The following NME6 variants were observed in gnomAD, a reference collection of about 807,000 sequenced individuals.
The protein encoded by NME6 is NME/NM23 nucleoside diphosphate kinase 6.
A neutral mutation model predicts 22.2 loss-of-function variants in NME6; 16 were observed. The ratio of observed to expected loss-of-function variants is 0.72; its 90% CI spans 0.49 to 1.09. NME6 has a LOEUF of 1.09. NME6 is among the 50% of genes least tolerant of loss of function. NME6 has a pLI of 0.00. For missense variants in NME6, 229 were observed against 239.0 expected (o/e 0.96, Z 0.28); for synonymous variants, 58 against 85.2 (o/e 0.68, Z 1.76).
At chr3:48,301,316 G>A (rs770453041) in intron 1 of NME6, 37 bp downstream of exon 1, 1 of 1,591,950 alleles carries the variant, frequency 6.3e-7, no homozygotes, top group Non-Finnish European at 8.6e-7. Context: ...GGGTCATTCG[G>A]AGCCCCAGTG....
At chr3:48,298,029 G>A (rs2035294558) in intron 2 of NME6, 1 of 265,600 alleles carries the variant, frequency 3.8e-6, no homozygotes, top group African/African-American at 2.4e-5. Flanking sequence ...ATAAGGACCT[G>A]GTCAGCCAAT....
chr3:48,298,176 T>C (rs1276025412), intron 2 of NME6: 9 of 521,900 alleles, frequency 1.7e-5, no homozygotes, highest in Non-Finnish European at 2.8e-5. Context: ...TATGTAGCAA[T>C]AGAAACTAAC....
chr3:48,300,329 C>G (rs1560007105), intron 1 of NME6: 1 of 456,666 alleles, frequency 2.2e-6, no homozygotes, highest in Non-Finnish European at 4.4e-6. Flanking sequence ...TAGCTCCAAC[C>G]TCATGGGCCT....
intron 2 of NME6, 190 bp downstream of exon 2, chr3:48,298,237 T>C (rs2035314867): frequency 3.2e-6 from 2 of 620,056 alleles, no homozygotes; most frequent in Non-Finnish European, 5.7e-6. Context: ...GGGTCCTTTC[T>C]TACATTTTAG....
At chr3:48,298,253 C>T in intron 2 of NME6, 174 bp downstream of exon 2, 1 of 645,656 alleles carries the variant, frequency 1.5e-6, no homozygotes, top group Non-Finnish European at 2.8e-6. Context: ...TTTAGGTCTG[C>T]CTCAAGTCTC....
rs1347167812 is a variant in NME6 at position 48,293,331 on chromosome 3, C to A, written c.*1306G>T. ...AGTGGGTCCAAATTTCCTGGTCTACCATTAGTGAAAGTGGCAGATGGTGAA... is the reference window on the plus strand; with the variant it reads ...AGTGGGTCCAAATTTCCTGGTCTACAATTAGTGAAAGTGGCAGATGGTGAA... On this transcript the variant is annotated 3_prime_UTR_variant, in exon 6 of 6. Coordinates refer to ENST00000442597, the MANE Select transcript of NME6 (RefSeq NM_001308426.2). The A allele has an allele frequency of 6.6e-6, 1 of 152,174 alleles. No homozygotes were observed. Among genetic ancestry groups the A allele is most frequent in the Admixed American group, 6.5e-5 (1 of 15,282 alleles). The allele number at this position is 152,174 out of a possible 1,614,324, so 9.4% of individuals were successfully genotyped here.
At chr3:48,289,086 C>CG (rs1266353457), downstream of NME6, among the ~76,000 whole-genome samples, 5 of 148,536 alleles carry the variant, frequency 3.4e-5, no homozygotes, top group Non-Finnish European at 6.0e-5. Flanking sequence ...TTTTTTGAGA[C>CG]GGAGTTTCGC....
rs973163579 is a variant in NME6, at chr3:48,293,344, G to A, written c.*1293C>T. 3.3e-5 allele frequency: 5 copies of A among 152,170 alleles called. No individual in the cohort carries two copies. The highest frequency in any genetic ancestry group is 1.2e-4 in the African/African-American group (5 of 41,438). 9.4% of individuals were successfully genotyped at this position (152,170 alleles called of 1,614,324 possible). On this transcript the variant is annotated 3_prime_UTR_variant, in exon 6 of 6. Transcript: ENST00000442597. Reference sequence around the variant, plus strand: ...TTCCTGGTCTACCATTAGTGAAAGTGGCAGATGGTGAAGGCAATTTTCAAC... The same window carrying A: ...TTCCTGGTCTACCATTAGTGAAAGTAGCAGATGGTGAAGGCAATTTTCAAC...
At position 48,298,527 on chromosome 3, in the gene NME6, C is replaced by T. The variant is rs2035357685; in HGVS notation, c.-7-4G>A. On this transcript the variant is annotated splice_polypyrimidine_tract_variant and splice_region_variant and intron_variant, in intron 1 of 5. Transcript: ENST00000442597. The stretch of plus-strand genomic sequence containing the variant: ...CAAGATTGAGGCCATCTCACTCCTG[C>T]CATTAGAGAGCTGTATTAGGAACCC... 6.3e-7 allele frequency: 1 copy of T among 1,593,196 alleles called. No individual in the cohort carries two copies. Among genetic ancestry groups the T allele is most frequent in the African/African-American group, 1.3e-5 (1 of 74,258 alleles).
chr3:48,296,318 A>G (rs2035098326), intron 3 of NME6, 160 bp from the exon 4 acceptor site: 10 of 953,096 alleles, frequency 1.0e-5, no homozygotes, highest in Non-Finnish European at 1.6e-5. Context: ...AGGGTCTGCC[A>G]CTTACAACCT....
chr3:48,289,168 A>G (rs1169596662), downstream of NME6, among the ~76,000 whole-genome samples: 1 of 151,808 alleles, frequency 6.6e-6, no homozygotes, highest in Non-Finnish European at 1.5e-5. Flanking sequence ...GGGTTCAAGC[A>G]ATTCTTCTGC....
In NME6 at chr3:48,292,554, A is replaced by G. The variant is rs1559993825; in HGVS notation, c.*2083T>C. On this transcript the variant is annotated 3_prime_UTR_variant, in exon 6 of 6. Coordinates refer to ENST00000442597, the MANE Select transcript of NME6 (RefSeq NM_001308426.2). ...GATTTTGTTCCAGACTATTTCAAGG[A>G]TTTTTTTTTTCTTGAGATGGAGTTT... 6.7e-6 allele frequency: 1 copy of G among 149,782 alleles called. No homozygotes were observed. The highest frequency in any genetic ancestry group is 1.5e-5 in the Non-Finnish European group (1 of 67,264). 9.3% of individuals were successfully genotyped at this position (149,782 alleles called of 1,614,324 possible). A position where few individuals can be genotyped will look rare whatever the true frequency, so the allele number is the denominator to read the frequency against.
Position 48,294,545 on chromosome 3 carries a change from T to C in NME6, c.*92A>G, listed in dbSNP as rs1274846884. 3 of 1,414,576 alleles carry C rather than the reference T, an allele frequency of 2.1e-6. No individual in the cohort carries two copies. The highest frequency in any genetic ancestry group is 2.9e-6 in the Non-Finnish European group (3 of 1,027,108). 87.6% of individuals were successfully genotyped at this position (1,414,576 alleles called of 1,614,324 possible). A position where few individuals can be genotyped will look rare whatever the true frequency, so the allele number is the denominator to read the frequency against. ...TGGTGGTGCCCAGCAGAAATGGCAC[T>C]GTAAGCCAGGCTTCCCTGGTCCTAG... On this transcript the variant is annotated 3_prime_UTR_variant, in exon 6 of 6. Coordinates refer to ENST00000442597, the MANE Select transcript of NME6 (RefSeq NM_001308426.2).
In NME6 at chr3:48,294,651, G is replaced by A; in HGVS notation, c.547C>T (p.Leu183=). Residue 183 remains leucine (L), a synonymous_variant, in exon 6 of 6, where the codon CTA becomes TTA. Transcript: ENST00000442597. ...ATAGACCTGCATCAGGCTGGTCCTA[G>A]GCCTCCTGTTCCAGCTACATAGTGG... ...GVHYVAGTGG[L]GPA 1 of 1,614,120 alleles carries A rather than the reference G, an allele frequency of 6.2e-7. No individual in the cohort carries two copies.
intron 4 of NME6, 118 bp downstream of exon 4, chr3:48,296,001 G>C (rs2035051655): frequency 1.3e-6 from 1 of 791,448 alleles, no homozygotes; most frequent in Admixed American, 1.9e-5. Context: ...ACAGGCATGA[G>C]CCACCGTGCC....
At chr3:48,300,154 T>G (rs757088055) in intron 1 of NME6, 11 of 438,364 alleles carry the variant, frequency 2.5e-5, no homozygotes, top group Non-Finnish European at 4.6e-5. Flanking sequence ...GAACCACACA[T>G]GAAAATCTAA....
At chr3:48,288,150 A>G (rs1321297038), downstream of NME6, among the ~76,000 whole-genome samples, 2 of 151,904 alleles carry the variant, frequency 1.3e-5, no homozygotes, top group Non-Finnish European at 2.9e-5. Flanking sequence ...AGAGGCCGAG[A>G]TGGGTGAATC....
At position 48,293,852 on chromosome 3, in the gene NME6, CAGA is replaced by C. The variant is rs1460379709; in HGVS notation, c.*782_*784del. 6.6e-6 allele frequency: 1 copy of C among 152,140 alleles called. No homozygotes were observed. Among genetic ancestry groups the C allele is most frequent in the African/African-American group, 2.4e-5 (1 of 41,426 alleles). 9.4% of individuals were successfully genotyped at this position (152,140 alleles called of 1,614,324 possible). A position where few individuals can be genotyped will look rare whatever the true frequency, so the allele number is the denominator to read the frequency against. ...GATAAAGGAGATGAAGAAAAACACA[CAGA>C]AGGAGAAAACCAAGGGTGTGGGATC... is the stretch of plus-strand genomic sequence containing the variant. On this transcript the variant is annotated 3_prime_UTR_variant, in exon 6 of 6. Transcript: ENST00000442597.
intron 1 of NME6, chr3:48,299,035 T>G: frequency 1.4e-6 from 1 of 702,236 alleles, no homozygotes; most frequent in South Asian, 1.5e-5. Flanking sequence ...GTCTGCTGGA[T>G]AAACACCATC....
Sources: gnomAD v4.1 joint callset for allele counts (sites outside exome capture counted in the v4.1 genomes callset) on GRCh38, gnomAD v4.1.1 for gene constraint, MANE v1.5 for transcripts, NCBI Gene and HGNC (gene_info 2026-07-23, HGNC 2026-07-21) for gene names.